The following GLP2R variants were observed in gnomAD, a reference collection of about 807,000 sequenced individuals.
GLP2R encodes glucagon-like peptide 2 receptor.
In GLP2R, 59 loss-of-function variants were observed where a neutral mutation model predicts 68.2. That is an observed-to-expected ratio of 0.87 (90% confidence interval 0.70 to 1.07). GLP2R has a LOEUF of 1.07. Ranked by LOEUF, GLP2R falls within the 50% of genes least tolerant of loss-of-function variation. The pLI, the probability that GLP2R is intolerant of heterozygous loss-of-function variation, is 0.00. For missense variants in GLP2R, 548 were observed against 677.4 expected, an observed-to-expected ratio of 0.81 and a Z score of 2.12; for synonymous variants, 270 against 265.4, an observed-to-expected ratio of 1.02 and a Z score of -0.17.
At chr17:9,884,712 C>A (rs1278492107) in intron 11 of GLP2R, among the ~76,000 whole-genome samples, 1 of 152,104 alleles carries the variant, frequency 6.6e-6, no homozygotes, top group Non-Finnish European at 1.5e-5. Flanking sequence ...GAGTTGAATT[C>A]TTTGTGGCTT....
At chr17:9,850,187 C>G (rs903614764) in intron 4 of GLP2R, among the ~76,000 whole-genome samples, 1 of 152,154 alleles carries the variant, frequency 6.6e-6, no homozygotes, top group Non-Finnish European at 1.5e-5. Context: ...ACATAAGATT[C>G]ACCTGTTGGT....
chr17:9,855,348 G>T (rs1375054455), intron 5 of GLP2R, among the ~76,000 whole-genome samples: 1 of 152,170 alleles, frequency 6.6e-6, no homozygotes, highest in Admixed American at 6.5e-5. Flanking sequence ...AAGCCAGTTG[G>T]CTACACAGCT....
intron 4 of GLP2R, 76 bp from the exon 5 acceptor site, chr17:9,854,419 C>T (rs2066917308): frequency 2.3e-6 from 2 of 862,428 alleles, no homozygotes; most frequent in East Asian, 2.4e-5. Context: ...CCCTTGGTGG[C>T]CCTGGGTGTG....
chr17:9,871,667 G>T (rs1474845983), intron 10 of GLP2R, among the ~76,000 whole-genome samples: 1 of 151,218 alleles, frequency 6.6e-6, no homozygotes, highest in Non-Finnish European at 1.5e-5. Flanking sequence ...ATGAATGAAT[G>T]AAGAGAGATA....
At chr17:9,878,740 A>G (rs1294111703) in intron 10 of GLP2R, among the ~76,000 whole-genome samples, 1 of 152,144 alleles carries the variant, frequency 6.6e-6, no homozygotes, top group East Asian at 1.9e-4. Context: ...TATTTCATTG[A>G]TAACATTGCA....
chr17:9,863,316 G>A (rs1525058), intron 9 of GLP2R, among the ~76,000 whole-genome samples: 69,030 of 152,000 alleles, frequency 0.45, 16,315 homozygotes, highest in African/African-American at 0.58. Context: ...AGTGCTTTGT[G>A]TATGAGTGTA....
At chr17:9,882,991 C>CAAAAAAAAAAAAAAA (rs3073990) in intron 11 of GLP2R, among the ~76,000 whole-genome samples, 3 of 126,110 alleles carry the variant, frequency 2.4e-5, no homozygotes, top group Non-Finnish European at 3.5e-5. Context: ...ATACTCAGGA[C>CAAAAAAAAAAAAAAA]AAAAAAAAAA....
intron 1 of GLP2R, among the ~76,000 whole-genome samples, chr17:9,833,310 A>G (rs1238229126): frequency 6.6e-6 from 1 of 151,932 alleles, no homozygotes; most frequent in Non-Finnish European, 1.5e-5. Flanking sequence ...CTATAACCTG[A>G]GCAGAAAAAA....
At chr17:9,887,833 A>T (rs2067256804) in intron 11 of GLP2R, 99 bp from the exon 12 acceptor site, 1 of 831,878 alleles carries the variant, frequency 1.2e-6, no homozygotes, top group East Asian at 2.4e-5. Context: ...TCTTCTGGAG[A>T]CTCCTTACGA....
In GLP2R at chr17:9,890,124, TGCAGAATCCTA is replaced by T. The variant is rs1340846457; in HGVS notation, c.*421_*431del. ...AAAACCTCCTAGGAAGCTTTTAAAATGCAGAATCCTAGACTTGTGGCTAAGATTCTAAGACA... is the reference window on the plus strand; with the variant it reads ...AAAACCTCCTAGGAAGCTTTTAAAATGACTTGTGGCTAAGATTCTAAGACA... On this transcript the variant is annotated 3_prime_UTR_variant, in exon 13 of 13. Transcript: ENST00000262441. The T allele has an allele frequency of 2.2e-6, 1 of 451,842 alleles. No individual in the cohort carries two copies. The highest frequency in any genetic ancestry group is 4.4e-6 in the Non-Finnish European group (1 of 225,430). 28.0% of individuals were successfully genotyped at this position (451,842 alleles called of 1,614,324 possible). A position where few individuals can be genotyped will look rare whatever the true frequency, so the allele number is the denominator to read the frequency against.
chr17:9,878,726 T>C (rs913127231), intron 10 of GLP2R, among the ~76,000 whole-genome samples: 7 of 152,328 alleles, frequency 4.6e-5, no homozygotes, highest in African/African-American at 1.4e-4. Context: ...AAGGTGAGGT[T>C]GTTTATTTCA....
At chr17:9,839,321 G>C (rs959989143) in intron 3 of GLP2R, among the ~76,000 whole-genome samples, 8 of 152,120 alleles carry the variant, frequency 5.3e-5, no homozygotes, top group Non-Finnish European at 1.5e-5. Context: ...GAATGCTCAA[G>C]ACTTGTCATC....
intron 4 of GLP2R, among the ~76,000 whole-genome samples, chr17:9,845,746 T>C (rs889425118): frequency 1.8e-4 from 21 of 117,406 alleles, no homozygotes; most frequent in Non-Finnish European, 3.2e-4. Context: ...TGTGTGTGTG[T>C]GCGTGTGTGT....
At position 9,891,377 on chromosome 17, in the gene GLP2R, AC is replaced by A. The variant is rs2067289372; in HGVS notation, c.*1673del. 6.6e-6 allele frequency: 1 copy of A among 152,236 alleles called. No homozygotes were observed. Among genetic ancestry groups the A allele is most frequent in the Non-Finnish European group, 1.5e-5 (1 of 68,042 alleles). The allele number at this position is 152,236 out of a possible 1,614,324, so 9.4% of individuals were successfully genotyped here. A position where few individuals can be genotyped will look rare whatever the true frequency, so the allele number is the denominator to read the frequency against. ...TATTTTAATGCAATATTCTAAAAAA[AC>A]AAATTAACAAACTACAGCCCATGAG... On this transcript the variant is annotated 3_prime_UTR_variant, in exon 13 of 13. Coordinates refer to ENST00000262441, the MANE Select transcript of GLP2R (RefSeq NM_004246.3).
chr17:9,889,957 A>G lies in GLP2R; in HGVS notation c.*252A>G. On this transcript the variant is annotated 3_prime_UTR_variant, in exon 13 of 13. Transcript: ENST00000262441. ...GTGTGTTTTCCACAATGCCCACCAGACCCTAGGGCCTGGCTCTAAATTCAA... is the reference window on the plus strand; with the variant it reads ...GTGTGTTTTCCACAATGCCCACCAGGCCCTAGGGCCTGGCTCTAAATTCAA... 1.8e-6 allele frequency: 1 copy of G among 570,494 alleles called. No homozygotes were observed. The highest frequency in any genetic ancestry group is 1.5e-5 in the South Asian group (1 of 65,516). The allele number at this position is 570,494 out of a possible 1,614,324, so 35.3% of individuals were successfully genotyped here.
At chr17:9,868,949 A>T (rs9899793) in intron 9 of GLP2R, among the ~76,000 whole-genome samples, 3,070 of 152,334 alleles carry the variant, frequency 0.02, 107 homozygotes, top group African/African-American at 0.068. Flanking sequence ...CAGATATCCC[A>T]TTAAAAGAAA....
chr17:9,835,697 T>C lies in GLP2R; in HGVS notation c.278-674T>C, dbSNP rs565512712. ...TAGCTGATTGTGGAACATAAGGCAC[T>C]GGCTCAGCCTCCAAGAGTCCTCCTG... On this transcript the variant is annotated intron_variant, in intron 2 of 12. Transcript: ENST00000262441. Among the ~76,000 whole-genome samples the C allele has an allele frequency of 2.4e-4, 36 of 152,226 alleles. No homozygotes were observed. The East Asian group carries it at 3.3e-3, about 14-fold the overall frequency.
rs1173333987 is a variant in GLP2R, at chr17:9,854,584, C to T, written c.594C>T (p.Thr198=). 1.9e-6 allele frequency: 3 copies of T among 1,601,028 alleles called. No individual in the cohort carries two copies. The highest frequency in any genetic ancestry group is 8.6e-7 in the Non-Finnish European group (1 of 1,168,080). The change falls in exon 5 of 13, where the codon ACC becomes ACT. Residue 198 remains threonine, a synonymous_variant. Transcript: ENST00000262441. The part of the protein sequence containing the change: ...FSLISLFLAL[T]LLLFLRKLHC... Reference sequence around the variant, plus strand: ...TTATCTCCCTCTTCCTGGCTCTCACCCTCCTCTTGTTTCTTCGGTGAGTAG... The same window carrying T: ...TTATCTCCCTCTTCCTGGCTCTCACTCTCCTCTTGTTTCTTCGGTGAGTAG...
chr17:9,829,322 TA>T (rs1320278446), intron 1 of GLP2R, among the ~76,000 whole-genome samples: 2 of 151,254 alleles, frequency 1.3e-5, no homozygotes, highest in African/African-American at 4.9e-5. Flanking sequence ...TTAAAATTTT[TA>T]ATTTTTTTTT....
Sources: gnomAD v4.1 joint callset for allele counts (sites outside exome capture counted in the v4.1 genomes callset) on GRCh38, gnomAD v4.1.1 for gene constraint, MANE v1.5 for transcripts, NCBI Gene and HGNC (gene_info 2026-07-23, HGNC 2026-07-21) for gene names.